Variants in FLNC observed in about 807,000 individuals in gnomAD.
FLNC encodes filamin-C.
A neutral mutation model predicts 254.3 loss-of-function variants in FLNC; 91 were observed. The ratio of observed to expected loss-of-function variants is 0.36; its 90% CI spans 0.30 to 0.43. The LOEUF (loss-of-function observed/expected upper bound fraction) is 0.43. Among genes scored for constraint, FLNC ranks in the 20% least tolerant of loss-of-function variants. The probability of loss-of-function intolerance (pLI) is 1.00; values close to 1 mark genes in which losing one functional copy is unlikely to be tolerated. For synonymous variants in FLNC, 1,430 were observed against 1,577.2 expected, an observed-to-expected ratio of 0.91 and a Z score of 2.21; for missense variants, 2,853 against 3,802.6, an observed-to-expected ratio of 0.75 and a Z score of 6.57.
At position 128,843,119 on chromosome 7, in the gene FLNC, G is replaced by T; in HGVS notation, c.2551-110G>T. On this transcript the variant is annotated intron_variant, in intron 16 of 47. Transcript: ENST00000325888. Reference sequence around the variant, plus strand: ...AGGAAGCAAAGGGGGCCCTTTTGGAGGCTGCCCCTGTCCATGCTGGGTCCC... The same window carrying T: ...AGGAAGCAAAGGGGGCCCTTTTGGATGCTGCCCCTGTCCATGCTGGGTCCC... 3.7e-6 allele frequency: 5 copies of T among 1,365,098 alleles called. No homozygotes were observed. In the South Asian group the frequency reaches 5.0e-5, roughly 14 times the overall value. 84.6% of individuals were successfully genotyped at this position (1,365,098 alleles called of 1,614,324 possible).
At chr7:128,831,446 C>T (rs1455015962) in intron 1 of FLNC, among the ~76,000 whole-genome samples, 1 of 152,250 alleles carries the variant, frequency 6.6e-6, no homozygotes, top group East Asian at 1.9e-4. Flanking sequence ...GGGCTGAAGA[C>T]AGGTCCCCAA....
chr7:128,856,846 G>C lies in FLNC; in HGVS notation c.7486G>C (p.Val2496Leu), dbSNP rs200295337. The C allele has an allele frequency of 6.2e-7, 1 of 1,614,212 alleles. No individual in the cohort carries two copies. The highest frequency in any genetic ancestry group is 8.5e-7 in the Non-Finnish European group (1 of 1,180,028). The part of the protein sequence containing the change: ...HIPGSPFKIR[V>L]GEQSQAGDPG... ...CCCTGGAAGTCCCTTCAAGATCCGCGTTGGGGAGCAGAGCCAGGCTGGGGA... is the reference window on the plus strand; with the variant it reads ...CCCTGGAAGTCCCTTCAAGATCCGCCTTGGGGAGCAGAGCCAGGCTGGGGA... Residue 2496 changes from valine to leucine, a missense_variant, in exon 45 of 48, where the codon GTT becomes CTT. Physicochemically the swap from Val to Leu is conservative, Grantham distance 32. Coordinates refer to ENST00000325888, the MANE Select transcript of FLNC (RefSeq NM_001458.5). The surrounding 1 kb of genome is among the most constrained non-coding windows in gnomAD (Gnocchi z 5.9).
chr7:128,848,135 C>T, intron 26 of FLNC, 67 bp downstream of exon 26: 5 of 1,539,502 alleles, frequency 3.2e-6, no homozygotes, highest in Non-Finnish European at 4.4e-6. Context: ...GGGTGGCACT[C>T]AGGATCACTG....
chr7:128,833,918 G>T (rs935987413), intron 1 of FLNC, among the ~76,000 whole-genome samples: 3 of 152,200 alleles, frequency 2.0e-5, no homozygotes, highest in Non-Finnish European at 4.4e-5. Context: ...TCAGTGACAG[G>T]GTGGGGGAGC....
In FLNC at chr7:128,847,782, G is replaced by A. The variant is rs1305563889; in HGVS notation, c.4374G>A (p.Arg1458=). Residue 1458 remains arginine, a synonymous_variant, in exon 25 of 48, where the codon AGG becomes AGA. Coordinates refer to ENST00000325888, the MANE Select transcript of FLNC (RefSeq NM_001458.5). ...CSGPGLGAGV[R]ARVPQTFTVD... is the part of the protein sequence containing the mutation. ...GGCCAGGGCTGGGGGCTGGTGTCAG[G>A]GCCCGGGTTCCTCAGACCTTCACAG... 1 of 1,613,758 alleles carries A rather than the reference G, an allele frequency of 6.2e-7. No individual in the cohort carries two copies. Among genetic ancestry groups the A allele is most frequent in the Non-Finnish European group, 8.5e-7 (1 of 1,179,752 alleles).
In FLNC at chr7:128,851,274, A is replaced by G; in HGVS notation, c.5582A>G (p.His1861Arg). ...QFYVDAINSRHVSAYGPGLSH... is the reference protein window; with the variant it reads ...QFYVDAINSRRVSAYGPGLSH... ...TATGTGGATGCCATCAACAGCCGCC[A>G]TGTCAGTGCCTATGGGCCAGGCCTG... Residue 1861 changes from histidine (H) to arginine (R), a missense_variant, in exon 34 of 48, where the codon CAT becomes CGT. Physicochemically the swap from His to Arg is conservative, Grantham distance 29. Around this residue, in one of 10 missense-constraint regions of FLNC, gnomAD observed 551 missense variants for 835.0 expected, o/e 0.66. Transcript: ENST00000325888. The G allele has an allele frequency of 6.2e-7, 1 of 1,614,078 alleles. No homozygotes were observed. Among genetic ancestry groups the G allele is most frequent in the Non-Finnish European group, 8.5e-7 (1 of 1,180,012 alleles).
Position 128,858,039 on chromosome 7 carries a change from C to T in FLNC, c.7812C>T (p.His2604=), listed in dbSNP as rs770653559. The T allele has an allele frequency of 1.6e-5, 26 of 1,587,986 alleles. No individual in the cohort carries two copies. Among genetic ancestry groups the T allele is most frequent in the African/African-American group, 5.4e-5 (4 of 74,630 alleles). ...GPRLSGGHSL[H]ETSTVLVETV... ...GGCTGTCCGGAGGCCACAGCCTTCACGAAACATCCACGGTTCTGGTGGAGA... is the reference window on the plus strand; with the variant it reads ...GGCTGTCCGGAGGCCACAGCCTTCATGAAACATCCACGGTTCTGGTGGAGA... Residue 2604 remains histidine, a synonymous_variant, in exon 47 of 48, where the codon CAC becomes CAT. Transcript: ENST00000325888. The surrounding 1 kb of genome is among the most constrained non-coding windows in gnomAD (Gnocchi z 6.7).
chr7:128,836,871 G>T lies in FLNC; in HGVS notation c.602-289G>T, dbSNP rs959481246. Among the ~76,000 whole-genome samples the T allele has an allele frequency of 2.6e-5, 4 of 152,210 alleles. No individual in the cohort carries two copies. Among genetic ancestry groups the T allele is most frequent in the African/African-American group, 9.7e-5 (4 of 41,442 alleles). ...ACCCTCCCAGGGTTTGGGGTTCAAG[G>T]TCTGAGCTGGGGCCTGGGCAGGCAG... On this transcript the variant is annotated intron_variant, in intron 2 of 47. Coordinates refer to ENST00000325888, the MANE Select transcript of FLNC (RefSeq NM_001458.5). The surrounding 1 kb of genome is among the most constrained non-coding windows in gnomAD (Gnocchi z 6.0).
At chr7:128,831,457 C>T (rs952699504) in intron 1 of FLNC, among the ~76,000 whole-genome samples, 2 of 152,242 alleles carry the variant, frequency 1.3e-5, no homozygotes, top group African/African-American at 4.8e-5. Flanking sequence ...AGGTCCCCAA[C>T]CACTGCCCGC....
In FLNC at chr7:128,848,026, AC is replaced by A; in HGVS notation, c.4539del (p.Tyr1513Ter). On this transcript the variant is annotated frameshift_variant, in exon 26 of 48. Coordinates refer to ENST00000325888, the MANE Select transcript of FLNC (RefSeq NM_001458.5). LOFTEE classifies it high-confidence loss of function. ...TACACCCCAGCCACTGACGGGCCCTACACGGTAGCCGTCAAGTATGCTGACC... is the reference window on the plus strand; with the variant it reads ...TACACCCCAGCCACTGACGGGCCCTAACGGTAGCCGTCAAGTATGCTGACC... ...VHYTPATDGPYTVAVKYADQE... is the reference protein window; with the variant it reads ...VHYTPATDGPXTVAVKYADQE... 1 of 1,607,574 alleles carries A rather than the reference AC, an allele frequency of 6.2e-7. No homozygotes were observed. Among genetic ancestry groups the A allele is most frequent in the Non-Finnish European group, 8.5e-7 (1 of 1,176,874 alleles).
Position 128,854,125 on chromosome 7 carries a change from G to A in FLNC, c.6636G>A (p.Gln2212=). 1 of 1,612,834 alleles carries A rather than the reference G, an allele frequency of 6.2e-7. No individual in the cohort carries two copies. Among genetic ancestry groups the A allele is most frequent in the Non-Finnish European group, 8.5e-7 (1 of 1,179,884 alleles). Residue 2212 remains glutamine (Q), a synonymous_variant, in exon 40 of 48, where the codon CAG becomes CAA. Transcript: ENST00000325888. Reference sequence around the variant, plus strand: ...AGGTGCGGGTGGAGGAGTCCACCCAGGTCGGCGGGGACCCCTTCCCTGCTG... The same window carrying A: ...AGGTGCGGGTGGAGGAGTCCACCCAAGTCGGCGGGGACCCCTTCCCTGCTG... The part of the protein sequence containing the change: ...KREVRVEEST[Q]VGGDPFPAVF...
intron 30 of FLNC, 90 bp downstream of exon 30, chr7:128,849,668 A>G: frequency 6.6e-7 from 1 of 1,517,178 alleles, no homozygotes; most frequent in Non-Finnish European, 9.0e-7. Context: ...AACTGTCCCC[A>G]AGGAATCCCA....
In FLNC at chr7:128,858,089, G is replaced by C; in HGVS notation, c.7862G>C (p.Arg2621Pro). The change falls in exon 47 of 48, where the codon CGG becomes CCG. Residue 2621 changes from arginine to proline, a missense_variant. Physicochemically the swap from Arg to Pro is moderately radical, Grantham distance 103. This residue lies in a region of FLNC where 197 missense variants were observed against 351.5 expected (regional missense o/e 0.56). Transcript: ENST00000325888. This position sits in a 1 kb window ranked among gnomAD's most constrained non-coding sequence, Gnocchi z 6.7. ...VETVTKSSSS[R>P]GSSYSSIPKF... ...ACTGTGACCAAGTCCTCCTCAAGCC[G>C]GGGCTCCAGCTACAGCTCCATCCCC... is the stretch of plus-strand genomic sequence containing the variant. 2 of 1,613,256 alleles carry C rather than the reference G, an allele frequency of 1.2e-6. No homozygotes were observed. Among genetic ancestry groups the C allele is most frequent in the Non-Finnish European group, 1.7e-6 (2 of 1,179,604 alleles).
intron 24 of FLNC, 76 bp downstream of exon 24, chr7:128,846,981 T>C: frequency 1.9e-6 from 3 of 1,562,274 alleles, no homozygotes; most frequent in Non-Finnish European, 2.6e-6. Context: ...AGGGGGAAAC[T>C]GGAAGGAAGT....
Position 128,857,961 on chromosome 7 carries a change from A to C in FLNC, c.7781-47A>C, listed in dbSNP as rs147849759. 2.9e-6 allele frequency: 4 copies of C among 1,375,094 alleles called. No individual in the cohort carries two copies. The highest frequency in any genetic ancestry group is 1.9e-5 in the Admixed American group (1 of 52,718). The allele number at this position is 1,375,094 out of a possible 1,614,324, so 85.2% of individuals were successfully genotyped here. On this transcript the variant is annotated intron_variant, in intron 46 of 47. Transcript: ENST00000325888. This position sits in a 1 kb window ranked among gnomAD's most constrained non-coding sequence, Gnocchi z 4.5. ...GAGGGTCCCCTGCCTGGGGAAGAAC[A>C]GGAAGCCCTTCTGACTAGGTTTGTG...
chr7:128,845,675 C>T (rs1314547686), intron 21 of FLNC, among the ~76,000 whole-genome samples: 1 of 152,004 alleles, frequency 6.6e-6, no homozygotes, highest in African/African-American at 2.4e-5. Flanking sequence ...TGGGCCACGG[C>T]AGAGGGATGC....
Position 128,853,817 on chromosome 7 carries a change from A to G in FLNC, c.6464A>G (p.Asp2155Gly). The change falls in exon 39 of 48, where the codon GAC (aspartate) becomes GGC (glycine). Residue 2155 changes from aspartate to glycine, a missense_variant. Asp to Gly is a moderately conservative substitution (Grantham distance 94, BLOSUM62 -1). Around this residue, in one of 10 missense-constraint regions of FLNC, gnomAD observed 551 missense variants for 835.0 expected, o/e 0.66. Transcript: ENST00000325888. The stretch of plus-strand genomic sequence containing the variant: ...ATCGCCACCATCGGCAGCACCTGTG[A>G]CCTCAACCTCAAGATCCCAGGTAGA... The part of the protein sequence containing the change: ...PSIATIGSTC[D>G]LNLKIPGNWF... 6.2e-7 allele frequency: 1 copy of G among 1,613,458 alleles called. No individual in the cohort carries two copies. Among genetic ancestry groups the G allele is most frequent in the Non-Finnish European group, 8.5e-7 (1 of 1,179,992 alleles).
Position 128,857,212 on chromosome 7 carries a change from T to C in FLNC, c.7656T>C (p.Cys2552=), listed in dbSNP as rs1262346733. The change falls in exon 46 of 48, where the codon TGT becomes TGC. Residue 2552 remains cysteine (C), a synonymous_variant. Coordinates refer to ENST00000325888, the MANE Select transcript of FLNC (RefSeq NM_001458.5). The surrounding 1 kb of genome is among the most constrained non-coding windows in gnomAD (Gnocchi z 4.5). ...IDGPSKVQLD[C]RECPEGHVVT... is the part of the protein sequence containing the mutation. ...GCCCCTCCAAGGTGCAGCTGGACTG[T>C]CGGGAGTGTCCTGAGGGCCATGTGG... The C allele has an allele frequency of 2.5e-6, 4 of 1,614,026 alleles. No homozygotes were observed. Among genetic ancestry groups the C allele is most frequent in the Non-Finnish European group, 2.5e-6 (3 of 1,180,020 alleles).
In FLNC at chr7:128,840,655, G is replaced by A. The variant is rs201572079; in HGVS notation, c.1657G>A (p.Gly553Ser). The A allele has an allele frequency of 1.7e-4, 267 of 1,614,096 alleles. No homozygotes were observed. The highest frequency in any genetic ancestry group is 1.2e-4 in the Non-Finnish European group (139 of 1,180,046). Residue 553 changes from glycine to serine, a missense_variant, in exon 10 of 48, where the codon GGC becomes AGC. Transcript: ENST00000325888. ...GKYVVTITWG[G>S]YAIPRSPFEV... ...GTATGTGGTGACCATCACGTGGGGC[G>A]GCTACGCCATCCCTCGCAGGTGAGT...
Sources: gnomAD v4.1 joint callset for allele counts (sites outside exome capture counted in the v4.1 genomes callset) on GRCh38, gnomAD v4.1.1 for gene constraint, gnomAD v4.1.1 regional missense constraint, Gnocchi (gnomAD v3.1) non-coding constraint, MANE v1.5 for transcripts, NCBI Gene and HGNC (gene_info 2026-07-23, HGNC 2026-07-21) for gene names.